The following MATK variants were observed in gnomAD, a reference collection of about 807,000 sequenced individuals.
MATK encodes megakaryocyte-associated tyrosine-protein kinase.
In MATK, 41 loss-of-function variants were observed where a neutral mutation model predicts 59.8. That is an observed-to-expected ratio of 0.69 (90% confidence interval 0.53 to 0.89). MATK has a LOEUF of 0.89. Among genes scored for constraint, MATK ranks in the 40% least tolerant of loss-of-function variants. The pLI, the probability that MATK is intolerant of heterozygous loss-of-function variation, is 0.00. For missense variants in MATK, 593 were observed against 719.6 expected (o/e 0.82, Z 2.01); for synonymous variants, 308 against 306.1 (o/e 1.01, Z -0.06).
chr19:3,784,507 C>T, intron 3 of MATK, 56 bp from the exon 4 acceptor site: 1 of 1,270,452 alleles, frequency 7.9e-7, no homozygotes, highest in African/African-American at 1.5e-5. Context: ...ATGTGGGGAG[C>T]AGAGGCACGG....
chr19:3,800,716 T>C (rs1356390215), intron 1 of MATK, among the ~76,000 whole-genome samples: 1 of 152,158 alleles, frequency 6.6e-6, no homozygotes, highest in African/African-American at 2.4e-5. Flanking sequence ...TTTGTGGTTG[T>C]TTTGTGATTG....
intron 1 of MATK, among the ~76,000 whole-genome samples, chr19:3,800,185 T>C (rs1424608191): frequency 6.6e-6 from 1 of 150,764 alleles, no homozygotes; most frequent in African/African-American, 2.4e-5. Flanking sequence ...AAATAAAATG[T>C]GTCTTGTAGG....
At chr19:3,788,097 T>TTAATATTAATA (rs747060842), upstream of MATK, among the ~76,000 whole-genome samples, 2 of 133,752 alleles carry the variant, frequency 1.5e-5, no homozygotes, top group African/African-American at 5.4e-5. Context: ...ATTATTAATA[T>TTAATATTAATA]TTATATTATA....
At chr19:3,781,455 A>AG in intron 8 of MATK, 152 bp downstream of exon 8, 1 of 775,100 alleles carries the variant, frequency 1.3e-6, no homozygotes, top group Non-Finnish European at 2.2e-6. Context: ...CCTGTTCCAG[A>AG]GGGGGAAACT....
intron 1 of MATK, among the ~76,000 whole-genome samples, chr19:3,792,719 T>C (rs1321267938): frequency 1.3e-5 from 2 of 152,118 alleles, no homozygotes; most frequent in African/African-American, 4.8e-5. Context: ...GGTTTCACCA[T>C]GTTGGCCAGG....
chr19:3,797,861 G>A (rs979191320), intron 1 of MATK, among the ~76,000 whole-genome samples: 3 of 152,018 alleles, frequency 2.0e-5, no homozygotes, highest in Non-Finnish European at 4.4e-5. Flanking sequence ...GGCCAACATG[G>A]TGAAACCCCA....
chr19:3,797,486 A>G (rs2037606748), intron 1 of MATK, among the ~76,000 whole-genome samples: 2 of 151,234 alleles, frequency 1.3e-5, no homozygotes, highest in South Asian at 4.2e-4. Context: ...TAGTCTCACT[A>G]TGTTTCCCAG....
chr19:3,800,326 T>C (rs1403804400), intron 1 of MATK, among the ~76,000 whole-genome samples: 1 of 151,390 alleles, frequency 6.6e-6, no homozygotes. Context: ...CAACAGGGCA[T>C]TAAAGAATAG....
chr19:3,785,342 A>T, intron 1 of MATK, 56 bp from the exon 2 acceptor site: 1 of 1,226,096 alleles, frequency 8.2e-7, no homozygotes, highest in South Asian at 1.6e-5. Context: ...GGTCATTCCC[A>T]AGAATCTCTG....
intron 1 of MATK, among the ~76,000 whole-genome samples, chr19:3,796,281 G>C (rs184309710): frequency 2.6e-5 from 4 of 152,090 alleles, no homozygotes; most frequent in Non-Finnish European, 5.9e-5. Context: ...CCACTCCTCA[G>C]GGGTTGCTGT....
At chr19:3,781,710 C>T in intron 7 of MATK, 38 bp from the exon 8 acceptor site, 3 of 1,544,340 alleles carry the variant, frequency 1.9e-6, no homozygotes, top group Non-Finnish European at 2.7e-6. Context: ...GTAATGGGCC[C>T]CCTAAATCCT....
chr19:3,786,320 G>C lies in MATK; in HGVS notation c.-303C>G, dbSNP rs891412319. 8.1e-6 allele frequency: 8 copies of C among 984,514 alleles called. No individual in the cohort carries two copies. The African/African-American group carries it at 1.2e-4, about 15-fold the overall frequency. The allele number at this position is 984,514 out of a possible 1,614,324, so 61.0% of individuals were successfully genotyped here. A position where few individuals can be genotyped will look rare whatever the true frequency, so the allele number is the denominator to read the frequency against. On this transcript the variant is annotated 5_prime_UTR_variant, in exon 1 of 14. Transcript: ENST00000310132. This position sits in a 1 kb window ranked among gnomAD's most constrained non-coding sequence, Gnocchi z 4.1. ...TGGGGGCGAAGAAGGGTCGGGGAGT[G>C]GGGGAAAGCGGGAGGCGCCGCGGCC... is the stretch of plus-strand genomic sequence containing the variant.
Position 3,778,972 on chromosome 19 carries a change from T to C in MATK, c.1197+20A>G. ...TGGGGGGACCCCAAAGCCCCAGGGGTATGTGAAGGCAGGGCTCACCCCGTG... is the reference window on the plus strand; with the variant it reads ...TGGGGGGACCCCAAAGCCCCAGGGGCATGTGAAGGCAGGGCTCACCCCGTG... On this transcript the variant is annotated intron_variant, in intron 12 of 13. Transcript: ENST00000310132. 6.6e-7 allele frequency: 1 copy of C among 1,524,618 alleles called. No homozygotes were observed. The highest frequency in any genetic ancestry group is 8.8e-7 in the Non-Finnish European group (1 of 1,142,276). The allele number at this position is 1,524,618 out of a possible 1,614,324, so 94.4% of individuals were successfully genotyped here.
intron 7 of MATK, 194 bp downstream of exon 7, chr19:3,782,932 G>A (rs1292320745): frequency 3.4e-6 from 2 of 580,766 alleles, no homozygotes; most frequent in Non-Finnish European, 6.1e-6. Flanking sequence ...TGGCGAAGCT[G>A]GGGACCTATT....
intron 1 of MATK, among the ~76,000 whole-genome samples, chr19:3,793,822 T>C (rs1337377729): frequency 6.6e-6 from 1 of 152,096 alleles, no homozygotes; most frequent in East Asian, 1.9e-4. Flanking sequence ...TGAGCTGAGA[T>C]CAGGCCACTG....
Position 3,786,283 on chromosome 19 carries a change from G to C in MATK, c.-266C>G. On this transcript the variant is annotated 5_prime_UTR_variant, in exon 1 of 14. Transcript: ENST00000310132. The surrounding 1 kb of genome is among the most constrained non-coding windows in gnomAD (Gnocchi z 4.1). ...TGCACAACTTGGAGCGAGTTGCTCC[G>C]TTTCCTCATTTTGGGGGCGAAGAAG... The C allele has an allele frequency of 1.0e-6, 1 of 985,168 alleles. No homozygotes were observed. 61.0% of individuals were successfully genotyped at this position (985,168 alleles called of 1,614,324 possible).
At chr19:3,779,482 T>C (rs375812022) in intron 10 of MATK, 31 bp from the exon 11 acceptor site, 4 of 1,612,214 alleles carry the variant, frequency 2.5e-6, no homozygotes, top group African/African-American at 1.3e-5. Context: ...CCGCGGGATG[T>C]TGGGGCTGCT....
chr19:3,784,062 T>G, intron 5 of MATK, 29 bp from the exon 6 acceptor site: 1 of 1,594,138 alleles, frequency 6.3e-7, no homozygotes, highest in Non-Finnish European at 8.6e-7. Flanking sequence ...TGGGTCAGAC[T>G]GGGCTGTGGA....
chr19:3,779,869 A>G, intron 8 of MATK, 72 bp from the exon 9 acceptor site: 1 of 922,436 alleles, frequency 1.1e-6, no homozygotes, highest in South Asian at 1.3e-5. Context: ...ACAGACGGAC[A>G]GGCCCGCTCA....
Sources: gnomAD v4.1 joint callset for allele counts (sites outside exome capture counted in the v4.1 genomes callset) on GRCh38, gnomAD v4.1.1 for gene constraint, Gnocchi (gnomAD v3.1) non-coding constraint, MANE v1.5 for transcripts, NCBI Gene and HGNC (gene_info 2026-07-23, HGNC 2026-07-21) for gene names.